ADGRF4: variants seen among roughly 807,000 people sequenced by gnomAD.
The protein encoded by ADGRF4 is adhesion G protein-coupled receptor F4.
A neutral mutation model predicts 58.5 loss-of-function variants in ADGRF4; 63 were observed. The ratio of observed to expected loss-of-function variants is 1.08; its 90% CI spans 0.88 to 1.33. The LOEUF is 1.33. Ranked by LOEUF, ADGRF4 falls within the 40% of genes most tolerant of loss-of-function variation. The pLI, the probability that ADGRF4 is intolerant of heterozygous loss-of-function variation, is 0.00. For missense variants in ADGRF4, 931 were observed against 843.9 expected, an observed-to-expected ratio of 1.10 and a Z score of -1.28; for synonymous variants, 313 against 295.4, an observed-to-expected ratio of 1.06 and a Z score of -0.61.
At position 47,714,566 on chromosome 6, in the gene ADGRF4, G is replaced by T. The variant is rs780412651; in HGVS notation, c.1321G>T (p.Val441Leu). ...GACGGAGATATCATACATGCGTCAC[G>T]TGTGCATCGTGAATATAGCAGTGTC... ...VVTEISYMRH[V>L]CIVNIAVSLL... is the part of the protein sequence containing the mutation. The change falls in exon 6 of 10, where the codon GTG becomes TTG. Residue 441 changes from valine to leucine, a missense_variant. Transcript: ENST00000283303. 1.2e-6 allele frequency: 2 copies of T among 1,614,114 alleles called. No individual in the cohort carries two copies. The highest frequency in any genetic ancestry group is 1.7e-6 in the Non-Finnish European group (2 of 1,180,022).
chr6:47,709,254 A>G (rs556822929), intron 3 of ADGRF4, among the ~76,000 whole-genome samples: 2 of 152,218 alleles, frequency 1.3e-5, no homozygotes, highest in South Asian at 2.1e-4. Context: ...ACCTGAGAAT[A>G]TTTCAACAGC....
At chr6:47,708,517 A>G (rs866636436) in intron 3 of ADGRF4, among the ~76,000 whole-genome samples, 4 of 152,258 alleles carry the variant, frequency 2.6e-5, no homozygotes, top group South Asian at 2.1e-4. Context: ...AGACAAATAC[A>G]TACTTCCAAA....
In ADGRF4 at chr6:47,698,700, C is replaced by G. The variant is rs189066400; in HGVS notation, c.-111C>G. The G allele has an allele frequency of 6.6e-6, 1 of 152,210 alleles. No individual in the cohort carries two copies. The highest frequency in any genetic ancestry group is 2.4e-5 in the African/African-American group (1 of 41,452). The allele number at this position is 152,210 out of a possible 1,614,324, so 9.4% of individuals were successfully genotyped here. A position where few individuals can be genotyped will look rare whatever the true frequency, so the allele number is the denominator to read the frequency against. On this transcript the variant is annotated 5_prime_UTR_variant, in exon 1 of 10. Transcript: ENST00000283303. ...TGACCAGGGACCGTGGGAGGTGCCA[C>G]GTGATGGTGAGGCATCATGCTAGGG... is the stretch of plus-strand genomic sequence containing the variant.
chr6:47,714,736 C>T lies in ADGRF4; in HGVS notation c.1491C>T (p.Leu497=), dbSNP rs1211329443. ...TCTGGATGCTCTTCAAAGCATTGCT[C>T]ATCATTTATGGAATATTGGTCATTT... ...LFFWMLFKAL[L]IIYGILVIFR... is the part of the protein sequence containing the mutation. The change falls in exon 6 of 10, where the codon CTC becomes CTT. Residue 497 remains leucine (L), a synonymous_variant. Coordinates refer to ENST00000283303, the MANE Select transcript of ADGRF4 (RefSeq NM_153838.5). 8.7e-6 allele frequency: 14 copies of T among 1,613,968 alleles called. No homozygotes were observed. Among genetic ancestry groups the T allele is most frequent in the Non-Finnish European group, 1.1e-5 (13 of 1,179,866 alleles).
rs114259724 is a variant in ADGRF4 at position 47,719,794 on chromosome 6, C to G, written c.*3+1349C>G. Among the ~76,000 whole-genome samples, 659 of 152,254 alleles carry G rather than the reference C, an allele frequency of 4.3e-3. 3 individuals are homozygous for G. The highest frequency in any genetic ancestry group is 0.014 in the African/African-American group (574 of 41,538). On this transcript the variant is annotated intron_variant, in intron 9 of 9. Coordinates refer to ENST00000283303, the MANE Select transcript of ADGRF4 (RefSeq NM_153838.5). ...GTAGAAGGCAAGATCAGGAGCTACA[C>G]TACTTACTAGGGTTGGGGATGTACA...
chr6:47,712,922 C>G (rs550279609), intron 5 of ADGRF4, among the ~76,000 whole-genome samples: 1 of 152,314 alleles, frequency 6.6e-6, no homozygotes, highest in East Asian at 1.9e-4. Context: ...CCCCAACACC[C>G]AGGCAGTGGA....
intron 3 of ADGRF4, among the ~76,000 whole-genome samples, chr6:47,708,768 T>C (rs192578759): frequency 6.6e-6 from 1 of 152,192 alleles, no homozygotes; most frequent in Non-Finnish European, 1.5e-5. Flanking sequence ...AGTGAAATCA[T>C]GTGGTTCTCA....
At chr6:47,718,009 A>T (rs1772067056) in intron 8 of ADGRF4, among the ~76,000 whole-genome samples, 1 of 152,206 alleles carries the variant, frequency 6.6e-6, no homozygotes, top group African/African-American at 2.4e-5. Context: ...AAAAACGAAA[A>T]CTTTTTGGAT....
Position 47,713,982 on chromosome 6 carries a change from A to ACAT in ADGRF4, c.740_742dup (p.Ile247dup), listed in dbSNP as rs760355994. The ACAT allele has an allele frequency of 4.4e-6, 7 of 1,604,594 alleles. No individual in the cohort carries two copies. Among genetic ancestry groups the ACAT allele is most frequent in the Non-Finnish European group, 6.0e-6 (7 of 1,175,232 alleles). ...CTCTTCATTCAGACAAAAGGGTTTC[A>ACAT]CATCAACCATAATACCTCAGAGAAA... On this transcript the variant is annotated inframe_insertion, in exon 6 of 10. Coordinates refer to ENST00000283303, the MANE Select transcript of ADGRF4 (RefSeq NM_153838.5).
rs756630238 is a variant in ADGRF4 at position 47,714,798 on chromosome 6, G to C, written c.1553G>C (p.Gly518Ala). 4 of 1,613,904 alleles carry C rather than the reference G, an allele frequency of 2.5e-6. No individual in the cohort carries two copies. Among genetic ancestry groups the C allele is most frequent in the Non-Finnish European group, 8.5e-7 (1 of 1,179,820 alleles). ...ATGAAGTCCCGAATGATGGTCATTGGCTTTGCCATTGGCTATGGGTGCCCA... is the reference window on the plus strand; with the variant it reads ...ATGAAGTCCCGAATGATGGTCATTGCCTTTGCCATTGGCTATGGGTGCCCA... Reference protein sequence around the residue: ...RMMKSRMMVIGFAIGYGCPLI... With the variant: ...RMMKSRMMVIAFAIGYGCPLI... Residue 518 changes from glycine (G) to alanine (A), a missense_variant, in exon 6 of 10, where the codon GGC (glycine) becomes GCC (alanine). Coordinates refer to ENST00000283303, the MANE Select transcript of ADGRF4 (RefSeq NM_153838.5).
Position 47,714,047 on chromosome 6 carries a change from G to T in ADGRF4, c.802G>T (p.Asp268Tyr). 1 of 1,613,374 alleles carries T rather than the reference G, an allele frequency of 6.2e-7. No individual in the cohort carries two copies. Among genetic ancestry groups the T allele is most frequent in the Non-Finnish European group, 8.5e-7 (1 of 1,179,786 alleles). ...CATGAGCATGAACAATACCACAGAA[G>T]ATATCTTAGGAATGGTACAGATTCC... is the stretch of plus-strand genomic sequence containing the variant. ...FSMSMNNTTE[D>Y]ILGMVQIPRQ... Residue 268 changes from aspartate to tyrosine, a missense_variant, in exon 6 of 10, where the codon GAT (aspartate) becomes TAT (tyrosine). By Grantham distance (160) the Asp-to-Tyr change is radical (BLOSUM62 -3). Transcript: ENST00000283303.
At chr6:47,699,635 G>A (rs529812039) in intron 1 of ADGRF4, among the ~76,000 whole-genome samples, 1 of 152,320 alleles carries the variant, frequency 6.6e-6, no homozygotes, top group African/African-American at 2.4e-5. Context: ...GCCATCTAAA[G>A]TAGCTAAAGA....
chr6:47,714,764 C>T lies in ADGRF4; in HGVS notation c.1519C>T (p.Arg507Cys), dbSNP rs12110938. The part of the protein sequence containing the change: ...LIIYGILVIF[R>C]RMMKSRMMVI... ...CATTTATGGAATATTGGTCATTTTCCGTAGGATGATGAAGTCCCGAATGAT... is the reference window on the plus strand; with the variant it reads ...CATTTATGGAATATTGGTCATTTTCTGTAGGATGATGAAGTCCCGAATGAT... Residue 507 changes from arginine to cysteine, a missense_variant, in exon 6 of 10, where the codon CGT becomes TGT. By Grantham distance (180) the Arg-to-Cys change is radical. Coordinates refer to ENST00000283303, the MANE Select transcript of ADGRF4 (RefSeq NM_153838.5). The T allele has an allele frequency of 3.9e-4, 622 of 1,613,896 alleles. 2 individuals carry two copies. In the African/African-American group the frequency reaches 6.9e-3, roughly 18 times the overall value.
chr6:47,707,162 C>T (rs565665947), intron 1 of ADGRF4, 68 bp from the exon 2 acceptor site: 45 of 880,430 alleles, frequency 5.1e-5, no homozygotes, highest in African/African-American at 3.1e-4. Flanking sequence ...GTTGGTTAGC[C>T]GGATAAGTAT....
rs372900767 is a variant in ADGRF4 at position 47,708,290 on chromosome 6, T to C, written c.148+12T>C. 9.4e-5 allele frequency: 150 copies of C among 1,596,186 alleles called. No individual in the cohort carries two copies. The highest frequency in any genetic ancestry group is 1.2e-4 in the Non-Finnish European group (144 of 1,163,856). On this transcript the variant is annotated intron_variant, in intron 3 of 9. Transcript: ENST00000283303. The stretch of plus-strand genomic sequence containing the variant: ...TGGAAGGATCCAAGGTATGTGGCTA[T>C]AGAACAGTCTTCATCCATTTGAAGA...
chr6:47,712,915 C>T (rs537281174), intron 5 of ADGRF4, among the ~76,000 whole-genome samples: 1 of 152,292 alleles, frequency 6.6e-6, no homozygotes, highest in African/African-American at 2.4e-5. Context: ...CAGGGGTCCC[C>T]AACACCCAGG....
chr6:47,722,006 T>C lies in ADGRF4; in HGVS notation c.*801T>C, dbSNP rs1345464247. The stretch of plus-strand genomic sequence containing the variant: ...TATTTTAGACATAAACGAATATATG[T>C]ACCTTTCACAACTTGCGCATGTGTG... On this transcript the variant is annotated 3_prime_UTR_variant, in exon 10 of 10. Coordinates refer to ENST00000283303, the MANE Select transcript of ADGRF4 (RefSeq NM_153838.5). The C allele has an allele frequency of 6.6e-6, 1 of 152,224 alleles. No homozygotes were observed. The highest frequency in any genetic ancestry group is 2.4e-5 in the African/African-American group (1 of 41,460). The allele number at this position is 152,224 out of a possible 1,614,324, so 9.4% of individuals were successfully genotyped here.
chr6:47,713,180 AC>A (rs1364679520), intron 5 of ADGRF4, among the ~76,000 whole-genome samples: 1 of 152,194 alleles, frequency 6.6e-6, no homozygotes, highest in East Asian at 1.9e-4. Context: ...TACCTCTGCC[AC>A]CCAGAGTCCA....
In ADGRF4 at chr6:47,714,687, A is replaced by C. The variant is rs1322526635; in HGVS notation, c.1442A>C (p.His481Pro). The C allele has an allele frequency of 6.2e-7, 1 of 1,613,972 alleles. No individual in the cohort carries two copies. The highest frequency in any genetic ancestry group is 1.3e-5 in the African/African-American group (1 of 74,894). Residue 481 changes from histidine (H) to proline (P), a missense_variant, in exon 6 of 10, where the codon CAC becomes CCC. Transcript: ENST00000283303. Reference sequence around the variant, plus strand: ...TGTGTTGCAGTGACATTTTTCAGCCACTTTTTCTACCTCTCTCTGTTTTTC... The same window carrying C: ...TGTGTTGCAGTGACATTTTTCAGCCCCTTTTTCTACCTCTCTCTGTTTTTC... ...NMCVAVTFFS[H>P]FFYLSLFFWM...
Sources: gnomAD v4.1 joint callset for allele counts (sites outside exome capture counted in the v4.1 genomes callset) on GRCh38, gnomAD v4.1.1 for gene constraint, MANE v1.5 for transcripts, NCBI Gene and HGNC (gene_info 2026-07-23, HGNC 2026-07-21) for gene names.